RBFOX1: variants seen among roughly 807,000 people sequenced by gnomAD.
RBFOX1 encodes the protein RNA binding fox-1 homolog 1.
Under a neutral mutation model 57.7 loss-of-function variants are expected in RBFOX1, and 8 were observed. That is an observed-to-expected ratio of 0.14 (90% CI 0.08 to 0.25). RBFOX1 has a LOEUF of 0.25. RBFOX1 is among the 10% of genes least tolerant of loss of function. The pLI is 1.00. For synonymous variants in RBFOX1, 326 were observed against 222.4 expected (o/e 1.47, Z -4.15); for missense variants, 611 against 548.5 (o/e 1.11, Z -1.14).
At chr16:6,523,519 C>G (rs1362706180) in intron 2 of RBFOX1, among the ~76,000 whole-genome samples, 2 of 152,124 alleles carry the variant, frequency 1.3e-5, no homozygotes, top group African/African-American at 4.8e-5. Context: ...TCACTATCAC[C>G]CTATGCTAAC....
At chr16:7,129,120 T>C (rs1458304658) in intron 4 of RBFOX1, among the ~76,000 whole-genome samples, 3 of 152,084 alleles carry the variant, frequency 2.0e-5, no homozygotes, top group African/African-American at 7.2e-5. Context: ...CACGCAGTCA[T>C]AAAGGTAATT....
chr16:6,866,634 C>T lies in RBFOX1; in HGVS notation c.-15-185423C>T, dbSNP rs964155714. Reference sequence around the variant, plus strand: ...TCGGCTCACTGCAAGCTCCGCCTCCCCGGTTCACGCCATTCTCCTGCCTCA... The same window carrying T: ...TCGGCTCACTGCAAGCTCCGCCTCCTCGGTTCACGCCATTCTCCTGCCTCA... On this transcript the variant is annotated intron_variant, in intron 3 of 15. Coordinates refer to ENST00000550418, the MANE Select transcript of RBFOX1 (RefSeq NM_018723.4). 4.1e-5 allele frequency among the ~76,000 whole-genome samples: 6 copies of T among 145,376 alleles called. No homozygotes were observed. The East Asian group carries it at 6.6e-4, about 16-fold the overall frequency.
chr16:6,730,901 G>C (rs1259633962), intron 3 of RBFOX1, among the ~76,000 whole-genome samples: 1 of 152,140 alleles, frequency 6.6e-6, no homozygotes, highest in Non-Finnish European at 1.5e-5. Context: ...TACCAAATAT[G>C]GGGTGGGGAG....
chr16:5,983,350 A>G (rs2060212020), intron 4 of RBFOX1, among the ~76,000 whole-genome samples: 1 of 152,174 alleles, frequency 6.6e-6, no homozygotes, highest in Non-Finnish European at 1.5e-5. Context: ...CTGCACATCC[A>G]CTTAGACGTG....
At chr16:5,987,826 A>T (rs2060311397) in intron 4 of RBFOX1, among the ~76,000 whole-genome samples, 1 of 152,370 alleles carries the variant, frequency 6.6e-6, no homozygotes, top group Non-Finnish European at 1.5e-5. Context: ...CTAATTTTTT[A>T]ACTCTTACTC....
At chr16:6,036,538 T>C (rs2095367906) in intron 1 of RBFOX1, among the ~76,000 whole-genome samples, 1 of 152,192 alleles carries the variant, frequency 6.6e-6, no homozygotes, top group Admixed American at 6.5e-5. Context: ...TCATCTCCTG[T>C]TTCTGATTCT....
At chr16:6,201,115 T>C (rs1394186096) in intron 1 of RBFOX1, among the ~76,000 whole-genome samples, 1 of 152,174 alleles carries the variant, frequency 6.6e-6, no homozygotes, top group African/African-American at 2.4e-5. Flanking sequence ...GTTCCACCCA[T>C]GTTGTTGCAA....
At chr16:6,462,823 G>T (rs2094952717) in intron 2 of RBFOX1, among the ~76,000 whole-genome samples, 1 of 151,480 alleles carries the variant, frequency 6.6e-6, no homozygotes, top group South Asian at 2.1e-4. Flanking sequence ...GCACATTGTT[G>T]CTTTAATTTT....
intron 3 of RBFOX1, among the ~76,000 whole-genome samples, chr16:6,881,023 C>A (rs1017740739): frequency 6.6e-6 from 1 of 152,176 alleles, no homozygotes; most frequent in Non-Finnish European, 1.5e-5. Flanking sequence ...GTGGCCCATA[C>A]CCTCCACCTT....
chr16:6,609,158 C>T (rs531992606), intron 2 of RBFOX1, among the ~76,000 whole-genome samples: 31 of 152,216 alleles, frequency 2.0e-4, no homozygotes, highest in South Asian at 4.1e-4. Flanking sequence ...ATGATACATT[C>T]GCAGGCTCCA....
chr16:5,253,029 C>G (rs1340095464), intron 1 of RBFOX1, among the ~76,000 whole-genome samples: 2 of 152,242 alleles, frequency 1.3e-5, no homozygotes, highest in East Asian at 3.8e-4. Flanking sequence ...GGGTTCTCCT[C>G]TGAGGTGCTC....
chr16:6,903,569 C>A (rs1316654994), intron 3 of RBFOX1, among the ~76,000 whole-genome samples: 2 of 152,122 alleles, frequency 1.3e-5, no homozygotes, highest in East Asian at 3.9e-4. Context: ...GAAAGGTGCC[C>A]CGCAATCACT....
At chr16:7,267,900 C>T (rs747459239) in intron 4 of RBFOX1, among the ~76,000 whole-genome samples, 1 of 152,128 alleles carries the variant, frequency 6.6e-6, no homozygotes, top group African/African-American at 2.4e-5. Flanking sequence ...TTTGTTGAGT[C>T]AGAAGCACTT....
At chr16:7,021,642 T>A (rs1012691802) in intron 3 of RBFOX1, among the ~76,000 whole-genome samples, 2 of 147,784 alleles carry the variant, frequency 1.4e-5, no homozygotes, top group East Asian at 3.9e-4. Flanking sequence ...TATAAAAATT[T>A]TATTAAAATT....
rs1013230407 is a variant in RBFOX1, at chr16:5,293,070, C to A, written c.219+52965C>A. On this transcript the variant is annotated intron_variant, in intron 1 of 2. Coordinates refer to the RBFOX1 transcript ENST00000585867. ...GCACTGTGGCTCATGCCTGTAATGC[C>A]AGTACTTTGGGAGGCTGAGGTGGGT... Among the ~76,000 whole-genome samples the A allele has an allele frequency of 3.2e-4, 48 of 151,918 alleles. 1 individual carries two copies. The highest frequency in any genetic ancestry group is 2.9e-5 in the Non-Finnish European group (2 of 67,986).
intron 1 of RBFOX1, among the ~76,000 whole-genome samples, chr16:6,076,152 G>A (rs1022948395): frequency 3.9e-5 from 6 of 151,982 alleles, no homozygotes; most frequent in African/African-American, 1.5e-4. Context: ...TACAAAATTA[G>A]CCAGGTGTGG....
chr16:6,597,375 T>C (rs1201777112), intron 2 of RBFOX1, among the ~76,000 whole-genome samples: 2 of 152,054 alleles, frequency 1.3e-5, no homozygotes, highest in Non-Finnish European at 2.9e-5. Context: ...CCTAGCCTCC[T>C]TTAAAACCAG....
intron 5 of RBFOX1, among the ~76,000 whole-genome samples, chr16:7,577,806 G>A (rs1409649254): frequency 1.3e-5 from 2 of 152,218 alleles, no homozygotes; most frequent in Non-Finnish European, 2.9e-5. Context: ...GGCTGATGTG[G>A]CAAGATTGAG....
intron 4 of RBFOX1, among the ~76,000 whole-genome samples, chr16:7,101,934 G>A (rs1359005785): frequency 6.6e-6 from 1 of 152,212 alleles, no homozygotes; most frequent in East Asian, 1.9e-4. Context: ...AGCATAGTTG[G>A]TGCTCCTTTC....
Sources: gnomAD v4.1 joint callset for allele counts (sites outside exome capture counted in the v4.1 genomes callset) on GRCh38, gnomAD v4.1.1 for gene constraint, MANE v1.5 for transcripts, NCBI Gene and HGNC (gene_info 2026-07-23, HGNC 2026-07-21) for gene names.